The following MCRS1 variants were observed in gnomAD, a reference collection of about 807,000 sequenced individuals.
MCRS1 encodes 58 kDa microspherule protein.
Under a neutral mutation model 62.9 loss-of-function variants are expected in MCRS1, and 22 were observed. The observed-to-expected ratio is 0.35, with a 90% CI of 0.25 to 0.50. The LOEUF is 0.50. Among genes scored for constraint, MCRS1 ranks in the 20% least tolerant of loss-of-function variants. The pLI is 0.98. For synonymous variants in MCRS1, 244 were observed against 233.5 expected, an observed-to-expected ratio of 1.04 and a Z score of -0.41; for missense variants, 456 against 601.1, an observed-to-expected ratio of 0.76 and a Z score of 2.52.
rs759566767 is a variant in MCRS1, at chr12:49,566,231, T to C, written c.11-16A>G. 1.9e-6 allele frequency: 3 copies of C among 1,608,198 alleles called. No individual in the cohort carries two copies. The highest frequency in any genetic ancestry group is 2.2e-5 in the East Asian group (1 of 44,738). On this transcript the variant is annotated splice_polypyrimidine_tract_variant and intron_variant, in intron 2 of 14. Coordinates refer to ENST00000343810, the MANE Select transcript of MCRS1 (RefSeq NM_006337.5). Reference sequence around the variant, plus strand: ...CCCTGAGAATCTAGCAAGAGAGAAATGGTGGATTCGGGCCTCCTAAGATCC... The same window carrying C: ...CCCTGAGAATCTAGCAAGAGAGAAACGGTGGATTCGGGCCTCCTAAGATCC...
intron 6 of MCRS1, among the ~76,000 whole-genome samples, chr12:49,564,007 G>A (rs1364589224): frequency 1.3e-5 from 2 of 152,256 alleles, no homozygotes; most frequent in Non-Finnish European, 2.9e-5. Context: ...AAGTGACAGA[G>A]GAAGAGGAAC....
chr12:49,564,401 C>G, intron 6 of MCRS1, 80 bp downstream of exon 6: 3 of 1,234,646 alleles, frequency 2.4e-6, no homozygotes, highest in Non-Finnish European at 3.5e-6. Context: ...TCCTGGGGCC[C>G]TGGTACAATT....
intron 5 of MCRS1, 37 bp downstream of exon 5, chr12:49,564,700 G>T (rs757870907): frequency 6.2e-7 from 1 of 1,601,896 alleles, no homozygotes; most frequent in Non-Finnish European, 8.5e-7. Context: ...GGAGGTTGGG[G>T]GAAAGGGGCA....
chr12:49,561,119 G>GGAGCCTGA (rs1377021907), intron 8 of MCRS1, among the ~76,000 whole-genome samples: 1 of 152,040 alleles, frequency 6.6e-6, no homozygotes, highest in African/African-American at 2.4e-5. Context: ...CTAGCTACTC[G>GGAGCCTGA]GAGCCTGAGG....
chr12:49,566,458 C>T, intron 2 of MCRS1: 2 of 1,565,832 alleles, frequency 1.3e-6, no homozygotes, highest in Non-Finnish European at 8.7e-7. Flanking sequence ...GCACATGGTG[C>T]TCAGGTCAGA....
chr12:49,565,987 G>C (rs1939035537), intron 3 of MCRS1, 90 bp downstream of exon 3: 2 of 1,516,100 alleles, frequency 1.3e-6, no homozygotes. Context: ...GGCTCAGGCA[G>C]CCATTCCCAA....
At position 49,565,957 on chromosome 12, in the gene MCRS1, CA is replaced by C. The variant is rs890504001; in HGVS notation, c.149+119del. 8 of 1,396,518 alleles carry C rather than the reference CA, an allele frequency of 5.7e-6. No individual in the cohort carries two copies. The African/African-American group carries it at 1.2e-4, about 20-fold the overall frequency. The allele number at this position is 1,396,518 out of a possible 1,614,324, so 86.5% of individuals were successfully genotyped here. A position where few individuals can be genotyped will look rare whatever the true frequency, so the allele number is the denominator to read the frequency against. On this transcript the variant is annotated intron_variant, in intron 3 of 14. Coordinates refer to ENST00000343810, the MANE Select transcript of MCRS1 (RefSeq NM_006337.5). ...GGACAGGAAAAGCACAAGGCTCTGC[CA>C]ATACTAAGGCCCCAGAGGGGCTCAG...
chr12:49,560,460 A>G (rs1938707796), intron 8 of MCRS1, 90 bp from the exon 9 acceptor site: 63 of 1,207,020 alleles, frequency 5.2e-5, no homozygotes, highest in Non-Finnish European at 7.2e-5. Context: ...CCAGCTGCAG[A>G]CTGCGCTGGG....
intron 7 of MCRS1, 90 bp downstream of exon 7, chr12:49,563,348 T>C (rs1347896560): frequency 3.6e-6 from 5 of 1,392,340 alleles, no homozygotes; most frequent in Admixed American, 1.9e-5. Context: ...ATCCAGACAG[T>C]GGGTGGGGAG....
Position 49,566,536 on chromosome 12 carries a change from A to G in MCRS1, c.10+186T>C. The G allele has an allele frequency of 4.0e-6, 6 of 1,494,280 alleles. 1 individual carries two copies. The highest frequency in any genetic ancestry group is 2.5e-5 in the East Asian group (1 of 40,618). 92.6% of individuals were successfully genotyped at this position (1,494,280 alleles called of 1,614,324 possible). ...TCTGCCATCAAAATGCAGCCGTGCT[A>G]AAGAGCAGCAGCTCAACAGCAAGTC... On this transcript the variant is annotated intron_variant, in intron 2 of 14. Transcript: ENST00000343810.
At chr12:49,560,171 G>C (rs1938686895) in intron 9 of MCRS1, 124 bp downstream of exon 9, 1 of 1,229,116 alleles carries the variant, frequency 8.1e-7, no homozygotes, top group Non-Finnish European at 1.2e-6. Flanking sequence ...AGGGGAGGGG[G>C]CTCAGCCAGG....
intron 5 of MCRS1, 26 bp downstream of exon 5, chr12:49,564,711 C>T: frequency 6.2e-7 from 1 of 1,603,694 alleles, no homozygotes; most frequent in Non-Finnish European, 8.5e-7. Context: ...GAAAGGGGCA[C>T]ACTGAGCCTA....
At chr12:49,566,386 C>T (rs1453725535) in intron 2 of MCRS1, 171 bp from the exon 3 acceptor site, 5 of 1,575,012 alleles carry the variant, frequency 3.2e-6, no homozygotes, top group Non-Finnish European at 4.3e-6. Flanking sequence ...CATCTGGGCT[C>T]AGACCTGGCC....
intron 6 of MCRS1, among the ~76,000 whole-genome samples, chr12:49,564,212 C>T (rs939793566): frequency 5.9e-5 from 9 of 151,722 alleles, no homozygotes; most frequent in African/African-American, 1.2e-4. Context: ...TAGTTTTCTC[C>T]GCCCAAAGCC....
Position 49,566,322 on chromosome 12 carries a change from C to T in MCRS1, c.11-107G>A. 2.6e-6 allele frequency: 4 copies of T among 1,563,006 alleles called. No individual in the cohort carries two copies. The East Asian group carries it at 9.2e-5, about 36-fold the overall frequency. On this transcript the variant is annotated intron_variant, in intron 2 of 14. Transcript: ENST00000343810. ...CCTGCCAGCCCTCTTGGCCCCTCCCCTGCCTCCTTGACACTTGAGGTTTTA... is the reference window on the plus strand; with the variant it reads ...CCTGCCAGCCCTCTTGGCCCCTCCCTTGCCTCCTTGACACTTGAGGTTTTA...
intron 8 of MCRS1, among the ~76,000 whole-genome samples, chr12:49,560,927 G>C (rs1018725478): frequency 2.6e-5 from 4 of 152,176 alleles, no homozygotes; most frequent in Non-Finnish European, 4.4e-5. Flanking sequence ...TTGATCTGGG[G>C]TCATGACCTG....
intron 6 of MCRS1, among the ~76,000 whole-genome samples, chr12:49,564,026 G>C (rs906743714): frequency 3.9e-5 from 6 of 152,236 alleles, no homozygotes; most frequent in Admixed American, 2.0e-4. Flanking sequence ...ACTGTGTGTT[G>C]CATGTGTATG....
In MCRS1 at chr12:49,559,321, G is replaced by A. The variant is rs536463924; in HGVS notation, c.1087-20C>T. The A allele has an allele frequency of 1.3e-4, 203 of 1,612,534 alleles. No homozygotes were observed. Among genetic ancestry groups the A allele is most frequent in the Middle Eastern group, 3.3e-4 (2 of 6,058 alleles). The stretch of plus-strand genomic sequence containing the variant: ...GGTGATCTGGGGAAATGGGGCAGGT[G>A]AGGGCTGGGACCTGAAGAATTGGGG... On this transcript the variant is annotated intron_variant, in intron 12 of 14. Coordinates refer to ENST00000343810, the MANE Select transcript of MCRS1 (RefSeq NM_006337.5). This position sits in a 1 kb window ranked among gnomAD's most constrained non-coding sequence, Gnocchi z 5.2.
chr12:49,564,102 C>T (rs140348123), intron 6 of MCRS1, among the ~76,000 whole-genome samples: 96 of 152,288 alleles, frequency 6.3e-4, no homozygotes, highest in East Asian at 3.3e-3. Context: ...ATTCGACTCC[C>T]CCTTGTTAGG....
Sources: allele counts gnomAD v4.1 joint callset (sites outside exome capture counted in the v4.1 genomes callset), GRCh38; gene constraint gnomAD v4.1.1; non-coding constraint Gnocchi (gnomAD v3.1); transcripts MANE v1.5; gene names NCBI Gene and HGNC (gene_info 2026-07-23, HGNC 2026-07-21).